Variants in MED12L observed in about 807,000 individuals in gnomAD.
MED12L encodes the protein mediator of RNA polymerase II transcription subunit 12-like protein.
A neutral mutation model predicts 281.3 loss-of-function variants in MED12L; 60 were observed. The observed-to-expected ratio is 0.21, with a 90% CI of 0.17 to 0.26. The LOEUF is 0.26. MED12L is among the 10% of genes least tolerant of loss of function. The pLI, the probability that MED12L is intolerant of heterozygous loss-of-function variation, is 1.00. For missense variants in MED12L, 2,146 were observed against 2,680.9 expected (o/e 0.80, Z 4.41); for synonymous variants, 974 against 987.2 (o/e 0.99, Z 0.25).
intron 14 of MED12L, among the ~76,000 whole-genome samples, chr3:151,192,192 A>G (rs924211472): frequency 5.9e-5 from 9 of 152,192 alleles, no homozygotes; most frequent in Non-Finnish European, 1.2e-4. Flanking sequence ...TTCTATAGAT[A>G]TTAAAGTGTC....
chr3:151,114,729 A>G (rs918509050), intron 2 of MED12L, among the ~76,000 whole-genome samples: 4 of 150,158 alleles, frequency 2.7e-5, no homozygotes, highest in African/African-American at 9.8e-5. Context: ...CCATAACTCA[A>G]TGATAATCTG....
chr3:151,139,012 C>A (rs1177931287), intron 5 of MED12L, among the ~76,000 whole-genome samples: 1 of 152,010 alleles, frequency 6.6e-6, no homozygotes, highest in Non-Finnish European at 1.5e-5. Flanking sequence ...TGCCTACCTA[C>A]CTACTATTCT....
At chr3:151,406,233 G>T (rs933816549) in intron 39 of MED12L, among the ~76,000 whole-genome samples, 1 of 152,070 alleles carries the variant, frequency 6.6e-6, no homozygotes, top group Non-Finnish European at 1.5e-5. Context: ...TCAGTCTCTA[G>T]TTTCCTTTAT....
chr3:151,086,317 C>G (rs1719175326), intron 1 of MED12L: 1 of 152,690 alleles, frequency 6.5e-6, no homozygotes, highest in Non-Finnish European at 1.5e-5. Flanking sequence ...CTGGCCCGGT[C>G]CGTGTCCAGG....
chr3:151,325,265 C>T (rs1749462908), intron 16 of MED12L, among the ~76,000 whole-genome samples: 1 of 152,100 alleles, frequency 6.6e-6, no homozygotes, highest in South Asian at 2.1e-4. Flanking sequence ...AGAATTCTTC[C>T]GAGTGTGGGA....
intron 16 of MED12L, among the ~76,000 whole-genome samples, chr3:151,197,331 A>G (rs1724802616): frequency 6.6e-6 from 1 of 152,010 alleles, no homozygotes; most frequent in Non-Finnish European, 1.5e-5. Context: ...AGCAGGCTAA[A>G]TTTTGTATTT....
At chr3:151,426,385 C>T (rs1180310621) in intron 43 of MED12L, among the ~76,000 whole-genome samples, 2 of 152,174 alleles carry the variant, frequency 1.3e-5, no homozygotes, top group East Asian at 3.9e-4. Context: ...AGTGAGGCTT[C>T]TGTAGGGTGT....
intron 38 of MED12L, among the ~76,000 whole-genome samples, chr3:151,391,774 C>A (rs893508496): frequency 6.6e-6 from 1 of 152,158 alleles, no homozygotes; most frequent in Non-Finnish European, 1.5e-5. Context: ...AGAATGTAAG[C>A]CTCGTGGCAG....
In MED12L at chr3:151,394,884, G is replaced by A. The variant is rs377713450; in HGVS notation, c.5820+17G>A. On this transcript the variant is annotated intron_variant, in intron 39 of 44. Coordinates refer to ENST00000687756, the MANE Select transcript of MED12L (RefSeq NM_001393769.1). Reference sequence around the variant, plus strand: ...TTCCAACAGGTTTGTCCAGACCCCAGCAATGGAGTCCTTTGCATTTTATTA... The same window carrying A: ...TTCCAACAGGTTTGTCCAGACCCCAACAATGGAGTCCTTTGCATTTTATTA... The A allele has an allele frequency of 3.7e-6, 6 of 1,613,072 alleles. No homozygotes were observed. In the African/African-American group the frequency reaches 8.0e-5, roughly 22 times the overall value.
At chr3:151,395,908 A>G (rs1714902552) in intron 39 of MED12L, among the ~76,000 whole-genome samples, 1 of 152,180 alleles carries the variant, frequency 6.6e-6, no homozygotes, top group Non-Finnish European at 1.5e-5. Context: ...CACTTCCTGC[A>G]TTTGGGCCAC....
At chr3:151,431,238 T>C (rs1376539930) in intron 44 of MED12L, among the ~76,000 whole-genome samples, 1 of 152,218 alleles carries the variant, frequency 6.6e-6, no homozygotes, top group Non-Finnish European at 1.5e-5. Flanking sequence ...TGGTCTTGGA[T>C]TATGTACTTG....
At chr3:151,095,963 A>C (rs188203045) in intron 2 of MED12L, among the ~76,000 whole-genome samples, 30 of 152,330 alleles carry the variant, frequency 2.0e-4, no homozygotes, top group African/African-American at 7.0e-4. Flanking sequence ...ATTTAATGAA[A>C]ATCTGGACTC....
chr3:151,327,311 A>G lies in MED12L; in HGVS notation c.2251-22748A>G, dbSNP rs955035253. Reference sequence around the variant, plus strand: ...TTGCTGGACAGAAGGAGAATTCCAAAGAATAGTTAACACAGCATTCTCACA... The same window carrying G: ...TTGCTGGACAGAAGGAGAATTCCAAGGAATAGTTAACACAGCATTCTCACA... On this transcript the variant is annotated intron_variant, in intron 16 of 44. Coordinates refer to ENST00000687756, the MANE Select transcript of MED12L (RefSeq NM_001393769.1). The G allele has an allele frequency of 3.0e-4, 46 of 152,374 alleles. 1 individual carries two copies. Among genetic ancestry groups the G allele is most frequent in the African/African-American group, 8.9e-4 (37 of 41,582 alleles). 9.4% of individuals were successfully genotyped at this position (152,374 alleles called of 1,614,324 possible).
At chr3:151,419,710 TCGTAATTA>T (rs1305818671) in intron 43 of MED12L, among the ~76,000 whole-genome samples, 2 of 151,874 alleles carry the variant, frequency 1.3e-5, no homozygotes, top group Non-Finnish European at 2.9e-5. Context: ...AATAGTAAGG[TCGTAATTA>T]CAGCTAACAT....
chr3:151,132,310 A>C (rs1264781702), intron 5 of MED12L, among the ~76,000 whole-genome samples: 1 of 152,094 alleles, frequency 6.6e-6, no homozygotes, highest in African/African-American at 2.4e-5. Context: ...AGTCTTTTCA[A>C]CCTTGATTCA....
At chr3:151,246,960 G>T (rs2149421990) in intron 16 of MED12L, among the ~76,000 whole-genome samples, 1 of 152,152 alleles carries the variant, frequency 6.6e-6, no homozygotes, top group East Asian at 1.9e-4. Context: ...GTGGGCAAAG[G>T]ACACGAACAG....
intron 3 of MED12L, among the ~76,000 whole-genome samples, chr3:151,119,163 G>A (rs1282849065): frequency 6.6e-6 from 1 of 152,128 alleles, no homozygotes. Flanking sequence ...TTAGTCTGTT[G>A]CCAATTTCTC....
chr3:151,365,301 C>T (rs1014575220), intron 22 of MED12L, 95 bp downstream of exon 22: 53 of 1,001,806 alleles, frequency 5.3e-5, no homozygotes, highest in Non-Finnish European at 7.3e-5. Context: ...TCTGGACTCA[C>T]ATTTGGCTAT....
At chr3:151,181,526 T>TCCC (rs1348419774) in intron 11 of MED12L, among the ~76,000 whole-genome samples, 1 of 151,298 alleles carries the variant, frequency 6.6e-6, no homozygotes, top group East Asian at 2.0e-4. Context: ...TGCCTTAGCT[T>TCCC]CCCCAGTAGC....
Sources: gnomAD v4.1 joint callset for allele counts (sites outside exome capture counted in the v4.1 genomes callset) on GRCh38, gnomAD v4.1.1 for gene constraint, MANE v1.5 for transcripts, NCBI Gene and HGNC (gene_info 2026-07-23, HGNC 2026-07-21) for gene names.